ITGA11: variants seen among roughly 807,000 people sequenced by gnomAD.
ITGA11 encodes integrin subunit alpha 11, also known as integrin alpha-11.
Under a neutral mutation model 141.9 loss-of-function variants are expected in ITGA11, and 97 were observed. That is an observed-to-expected ratio of 0.68 (90% CI 0.58 to 0.81). The LOEUF is 0.81. Among genes scored for constraint, ITGA11 ranks in the 30% least tolerant of loss-of-function variants. The pLI is 0.00. For missense variants in ITGA11, 1,387 were observed against 1,559.2 expected (o/e 0.89, Z 1.86); for synonymous variants, 658 against 624.6 (o/e 1.05, Z -0.80).
intron 1 of ITGA11, among the ~76,000 whole-genome samples, chr15:68,419,861 C>G (rs775555482): frequency 2.0e-5 from 3 of 152,152 alleles, no homozygotes; most frequent in African/African-American, 4.8e-5. Context: ...CTTTATCATC[C>G]GGGTGATCTT....
In ITGA11 at chr15:68,432,127, C is replaced by A. The variant is rs1897285105; in HGVS notation, c.-61G>T. On this transcript the variant is annotated 5_prime_UTR_variant, in exon 1 of 30. Transcript: ENST00000315757. ...GGCGGCGGGGGGCGGCAAGCCAGAGCGGCAGCCTCCTCGGCGCGGCGCCTG... is the reference window on the plus strand; with the variant it reads ...GGCGGCGGGGGGCGGCAAGCCAGAGAGGCAGCCTCCTCGGCGCGGCGCCTG... 2 of 1,249,646 alleles carry A rather than the reference C, an allele frequency of 1.6e-6. No individual in the cohort carries two copies. The highest frequency in any genetic ancestry group is 2.1e-6 in the Non-Finnish European group (2 of 972,336). 77.4% of individuals were successfully genotyped at this position (1,249,646 alleles called of 1,614,324 possible). A position where few individuals can be genotyped will look rare whatever the true frequency, so the allele number is the denominator to read the frequency against.
At chr15:68,370,465 A>G (rs1895555161) in intron 2 of ITGA11, among the ~76,000 whole-genome samples, 1 of 152,084 alleles carries the variant, frequency 6.6e-6, no homozygotes, top group East Asian at 1.9e-4. Flanking sequence ...CTCACCCACC[A>G]GAGAGCAGCC....
chr15:68,320,528 G>GA (rs1469299960), intron 19 of ITGA11, 136 bp from the exon 20 acceptor site: 1 of 658,132 alleles, frequency 1.5e-6, no homozygotes, highest in African/African-American at 1.8e-5. Context: ...CCACTGGGAG[G>GA]AGAGTGGAAA....
intron 11 of ITGA11, among the ~76,000 whole-genome samples, chr15:68,337,505 G>A (rs1894402111): frequency 6.6e-6 from 1 of 152,138 alleles, no homozygotes; most frequent in African/African-American, 2.4e-5. Context: ...TGCTCTCACT[G>A]GATGACTCCT....
At chr15:68,394,440 A>G (rs1196707112) in intron 2 of ITGA11, among the ~76,000 whole-genome samples, 3 of 152,176 alleles carry the variant, frequency 2.0e-5, no homozygotes, top group African/African-American at 7.2e-5. Flanking sequence ...CAAAATTTGT[A>G]GGATGCAGCT....
chr15:68,394,930 C>A (rs886546815), intron 2 of ITGA11, among the ~76,000 whole-genome samples: 1 of 151,916 alleles, frequency 6.6e-6, no homozygotes. Context: ...CCAAGATGGC[C>A]GAATAGGAAC....
chr15:68,357,324 AGAACATTTTGACCCCAT>A, intron 6 of ITGA11, 25 bp from the exon 7 acceptor site: 1 of 1,603,584 alleles, frequency 6.2e-7, no homozygotes, highest in East Asian at 2.2e-5. Context: ...AGAGGGCAAC[AGAACATTTTGACCCCAT>A]GAACCCATGA....
chr15:68,396,489 T>C (rs987494515), intron 2 of ITGA11, among the ~76,000 whole-genome samples: 2 of 152,004 alleles, frequency 1.3e-5, no homozygotes, highest in East Asian at 3.8e-4. Flanking sequence ...TATGAAATAT[T>C]GGAAAATTTC....
chr15:68,330,936 G>A (rs369829779), intron 15 of ITGA11, 45 bp downstream of exon 15: 3 of 1,610,396 alleles, frequency 1.9e-6, no homozygotes, highest in Non-Finnish European at 2.5e-6. Flanking sequence ...GATTCATTGT[G>A]ACTTTCAGGA....
intron 1 of ITGA11, among the ~76,000 whole-genome samples, chr15:68,419,185 G>C (rs1896959993): frequency 6.6e-6 from 1 of 152,178 alleles, no homozygotes. Flanking sequence ...ACTTTGGGGA[G>C]TGGAAGTGTT....
At chr15:68,323,536 T>C (rs998089730) in intron 18 of ITGA11, among the ~76,000 whole-genome samples, 3 of 152,106 alleles carry the variant, frequency 2.0e-5, no homozygotes, top group African/African-American at 7.2e-5. Flanking sequence ...AGTAAGACTT[T>C]GTAGAATGAT....
At chr15:68,411,827 C>A (rs1319698341) in intron 1 of ITGA11, among the ~76,000 whole-genome samples, 1 of 152,134 alleles carries the variant, frequency 6.6e-6, no homozygotes, top group Admixed American at 6.5e-5. Flanking sequence ...CCTTAGGATG[C>A]CTTGTCTATT....
intron 22 of ITGA11, 73 bp from the exon 23 acceptor site, chr15:68,313,941 G>A: frequency 2.5e-6 from 3 of 1,192,148 alleles, no homozygotes; most frequent in Non-Finnish European, 3.7e-6. Flanking sequence ...GTCTGAGGCA[G>A]ACTGTGGAAG....
In ITGA11 at chr15:68,311,445, G is replaced by T. The variant is rs748916208; in HGVS notation, c.2974-42C>A. ...GGAGGTGTCAGTACAGTCAGTTGAGGGGGGTGGAAAACAAGGTCCACAGGG... is the reference window on the plus strand; with the variant it reads ...GGAGGTGTCAGTACAGTCAGTTGAGTGGGGTGGAAAACAAGGTCCACAGGG... On this transcript the variant is annotated intron_variant, in intron 24 of 29. Transcript: ENST00000315757. The T allele has an allele frequency of 8.5e-6, 12 of 1,417,206 alleles. No homozygotes were observed. In the Admixed American group the frequency reaches 2.2e-4, roughly 26 times the overall value. 87.8% of individuals were successfully genotyped at this position (1,417,206 alleles called of 1,614,324 possible).
chr15:68,372,385 C>T (rs923067937), intron 2 of ITGA11, among the ~76,000 whole-genome samples: 4 of 152,150 alleles, frequency 2.6e-5, no homozygotes, highest in African/African-American at 9.7e-5. Flanking sequence ...CCTGCTACGC[C>T]TCTCGGGGGC....
intron 2 of ITGA11, among the ~76,000 whole-genome samples, chr15:68,373,770 T>C (rs1895656154): frequency 6.6e-6 from 1 of 152,156 alleles, no homozygotes; most frequent in Non-Finnish European, 1.5e-5. Flanking sequence ...AGTGAGTGAA[T>C]GCAAGGCCTG....
At chr15:68,340,630 C>T (rs529431661) in intron 10 of ITGA11, among the ~76,000 whole-genome samples, 3 of 152,180 alleles carry the variant, frequency 2.0e-5, no homozygotes, top group Admixed American at 1.3e-4. Flanking sequence ...CCACCAGTTG[C>T]AGGACAAGGG....
intron 1 of ITGA11, among the ~76,000 whole-genome samples, chr15:68,421,802 A>AATT (rs1159801917): frequency 2.0e-5 from 3 of 152,132 alleles, no homozygotes; most frequent in Non-Finnish European, 4.4e-5. Flanking sequence ...AAATATGTAC[A>AATT]ATTATTATTA....
At chr15:68,358,394 G>A (rs1895134693) in intron 6 of ITGA11, 64 bp downstream of exon 6, 2 of 1,518,018 alleles carry the variant, frequency 1.3e-6, no homozygotes, top group East Asian at 2.3e-5. Flanking sequence ...TAGACCTAAG[G>A]CAGCACCTGC....
Sources: gnomAD v4.1 joint callset for allele counts (sites outside exome capture counted in the v4.1 genomes callset) on GRCh38, gnomAD v4.1.1 for gene constraint, MANE v1.5 for transcripts, NCBI Gene and HGNC (gene_info 2026-07-23, HGNC 2026-07-21) for gene names.